Variants in B4GALT3 observed in about 807,000 individuals in gnomAD.
B4GALT3 encodes beta-1,4-galactosyltransferase 3.
A neutral mutation model predicts 40.7 loss-of-function variants in B4GALT3; 29 were observed. The ratio of observed to expected loss-of-function variants is 0.71; its 90% CI spans 0.53 to 0.97. The LOEUF is 0.97. Ranked by LOEUF, B4GALT3 falls within the 50% of genes least tolerant of loss-of-function variation. The probability of loss-of-function intolerance (pLI) is 0.00; values close to 1 mark genes in which losing one functional copy is unlikely to be tolerated. For synonymous variants in B4GALT3, 182 were observed against 203.9 expected (o/e 0.89, Z 0.92); for missense variants, 390 against 522.3 (o/e 0.75, Z 2.47).
In B4GALT3 at chr1:161,171,370, A is replaced by G. The variant is rs1211653915; in HGVS notation, c.*446T>C. 4 of 966,806 alleles carry G rather than the reference A, an allele frequency of 4.1e-6. No individual in the cohort carries two copies. Among genetic ancestry groups the G allele is most frequent in the African/African-American group, 1.6e-5 (1 of 61,192 alleles). The allele number at this position is 966,806 out of a possible 1,614,324, so 59.9% of individuals were successfully genotyped here. A position where few individuals can be genotyped will look rare whatever the true frequency, so the allele number is the denominator to read the frequency against. ...AATCCCAGCCCCCTGAGCCAGGACCAGAAGAGGGAGCTATTCCAGCATAGG... is the reference window on the plus strand; with the variant it reads ...AATCCCAGCCCCCTGAGCCAGGACCGGAAGAGGGAGCTATTCCAGCATAGG... On this transcript the variant is annotated 3_prime_UTR_variant, in exon 8 of 8. Coordinates refer to ENST00000319769, the MANE Select transcript of B4GALT3 (RefSeq NM_003779.4).
intron 1 of B4GALT3, 141 bp downstream of exon 1, chr1:161,177,282 C>A: frequency 3.4e-6 from 2 of 580,714 alleles, no homozygotes; most frequent in Middle Eastern, 4.6e-4. Flanking sequence ...CGTGAGCCCG[C>A]CCGGCCCCCG....
Position 161,176,048 on chromosome 1 carries a change from G to C in B4GALT3, c.13C>G (p.Leu5Val). The change falls in exon 3 of 8, where the codon CTG becomes GTG. Residue 5 changes from leucine to valine, a missense_variant. This residue lies in a region of B4GALT3 where 183 missense variants were observed against 223.2 expected (regional missense o/e 0.82). Coordinates refer to ENST00000319769, the MANE Select transcript of B4GALT3 (RefSeq NM_003779.4). Reference protein sequence around the residue: MLRRLLERPCTLALL... With the variant: MLRRVLERPCTLALL... ...GCCAGCGTGCAAGGCCGCTCCAGCA[G>C]CCTCCGCAACATCCTGGGGGTGAGA... 5.0e-6 allele frequency: 8 copies of C among 1,614,116 alleles called. No homozygotes were observed. Among genetic ancestry groups the C allele is most frequent in the Non-Finnish European group, 5.9e-6 (7 of 1,180,010 alleles).
chr1:161,173,579 A>C (rs1662294911), intron 6 of B4GALT3, 26 bp downstream of exon 6: 1 of 1,612,954 alleles, frequency 6.2e-7, no homozygotes. Flanking sequence ...TGGGGTCAGG[A>C]GGGAGGAAGT....
chr1:161,174,138 T>A, intron 4 of B4GALT3, 89 bp from the exon 5 acceptor site: 1 of 1,412,456 alleles, frequency 7.1e-7, no homozygotes, highest in East Asian at 2.3e-5. Context: ...CCGGGCGCGG[T>A]GGCTTACGCC....
At chr1:161,173,037 C>T (rs1368332813) in intron 6 of B4GALT3, among the ~76,000 whole-genome samples, 1 of 152,154 alleles carries the variant, frequency 6.6e-6, no homozygotes, top group African/African-American at 2.4e-5. Context: ...GGGTATTTCA[C>T]ACACATACAG....
chr1:161,173,726 G>T lies in B4GALT3; in HGVS notation c.682C>A (p.Leu228Ile), dbSNP rs1198344561. 2 of 1,614,134 alleles carry T rather than the reference G, an allele frequency of 1.2e-6. No individual in the cohort carries two copies. Among genetic ancestry groups the T allele is most frequent in the Non-Finnish European group, 1.7e-6 (2 of 1,180,012 alleles). Residue 228 changes from leucine to isoleucine, a missense_variant and splice_region_variant, in exon 6 of 8, where the codon CTC becomes ATC. Around this residue, in one of 3 missense-constraint regions of B4GALT3, gnomAD observed 135 missense variants for 227.8 expected, o/e 0.59. Coordinates refer to ENST00000319769, the MANE Select transcript of B4GALT3 (RefSeq NM_003779.4). ...AVAMNKFGYS[L>I]PYPQYFGGVS... is the part of the protein sequence containing the mutation. ...CCTCCGAAGTACTGGGGGTACGGGA[G>T]GCTAGGGAGAGAAAGATCCTTGCAT...
At chr1:161,172,135 G>C (rs1207176081) in intron 7 of B4GALT3, 46 bp from the exon 8 acceptor site, 1 of 1,612,512 alleles carries the variant, frequency 6.2e-7, no homozygotes, top group Non-Finnish European at 8.5e-7. Context: ...GGAACAGCCA[G>C]AAATCTAGGG....
At chr1:161,175,343 G>T in intron 3 of B4GALT3, 115 bp from the exon 4 acceptor site, 3 of 904,094 alleles carry the variant, frequency 3.3e-6, no homozygotes, top group Non-Finnish European at 3.4e-6. Flanking sequence ...TAGTTCTCAG[G>T]GCTCACTCAG....
chr1:161,174,132 G>A, intron 4 of B4GALT3, 83 bp from the exon 5 acceptor site: 3 of 1,459,292 alleles, frequency 2.1e-6, no homozygotes, highest in Non-Finnish European at 1.9e-6. Flanking sequence ...TGAAGGCCGG[G>A]CGCGGTGGCT....
Position 161,171,969 on chromosome 1 carries a change from C to T in B4GALT3, c.1029G>A (p.Gly343=), listed in dbSNP as rs1661612353. The stretch of plus-strand genomic sequence containing the variant: ...GAGCCCGAGGACCCCGAGGGTCAGT[C>T]CCAATGTCTGCTGTGATGTTGGTAT... ...PLYTNITADI[G]TDPRGPRAPS... is the part of the protein sequence containing the mutation. The change falls in exon 8 of 8, where the codon GGG becomes GGA. Residue 343 remains glycine (G), a synonymous_variant. Coordinates refer to ENST00000319769, the MANE Select transcript of B4GALT3 (RefSeq NM_003779.4). The T allele has an allele frequency of 1.9e-6, 3 of 1,614,010 alleles. No homozygotes were observed. Among genetic ancestry groups the T allele is most frequent in the East Asian group, 2.2e-5 (1 of 44,888 alleles).
rs561295570 is a variant in B4GALT3 at position 161,173,508 on chromosome 1, G to A, written c.803+97C>T. On this transcript the variant is annotated intron_variant, in intron 6 of 7. Coordinates refer to ENST00000319769, the MANE Select transcript of B4GALT3 (RefSeq NM_003779.4). ...AATGGGCTCAGTGCAGGACCAGGGA[G>A]CTAAAGGTTAGTGTTGAAGGGCTAT... 2.0e-4 allele frequency: 310 copies of A among 1,555,680 alleles called. 1 individual carries two copies. In the African/African-American group the frequency reaches 3.6e-3, roughly 18 times the overall value.
Position 161,176,523 on chromosome 1 carries a change from G to A in B4GALT3, c.-104C>T. On this transcript the variant is annotated 5_prime_UTR_variant, in exon 2 of 8. Coordinates refer to ENST00000319769, the MANE Select transcript of B4GALT3 (RefSeq NM_003779.4). ...TGAGGCATTATCTAAAATTGGAAAT[G>A]TCACAGAGGGCAGAGAAAGGCTCCA... 2.4e-6 allele frequency: 1 copy of A among 411,202 alleles called. No homozygotes were observed. The highest frequency in any genetic ancestry group is 4.4e-6 in the Non-Finnish European group (1 of 225,612). 25.5% of individuals were successfully genotyped at this position (411,202 alleles called of 1,614,324 possible).
chr1:161,176,302 C>T (rs377658260), intron 2 of B4GALT3, 132 bp downstream of exon 2: 4 of 582,840 alleles, frequency 6.9e-6, no homozygotes, highest in South Asian at 6.3e-5. Flanking sequence ...CTACCTCCCC[C>T]CAAACCACTC....
chr1:161,175,926 TGTC>T lies in B4GALT3; in HGVS notation c.132_134del (p.Thr45del), dbSNP rs767643607. The T allele has an allele frequency of 6.2e-7, 1 of 1,614,062 alleles. No homozygotes were observed. Among genetic ancestry groups the T allele is most frequent in the Non-Finnish European group, 8.5e-7 (1 of 1,180,006 alleles). On this transcript the variant is annotated inframe_deletion, in exon 3 of 8. Transcript: ENST00000319769. ...CATCACGAGGGTGAGAATAGTCAAA[TGTC>T]GGTCCCTGATCTCGGCCAAATAGGG...
chr1:161,172,260 C>T lies in B4GALT3; in HGVS notation c.875G>A (p.Arg292Gln), dbSNP rs530341614. The T allele has an allele frequency of 8.1e-6, 13 of 1,614,112 alleles. No homozygotes were observed. The East Asian group carries it at 1.3e-4, about 17-fold the overall frequency. ...SVGHYKMVKH[R>Q]GDKGNEENPH... is the part of the protein sequence containing the mutation. ...ATTTTCCTCATTGCCCTTATCTCCT[C>T]GGTGCTTCACCATCTTATAGTGTCC... Residue 292 changes from arginine to glutamine, a missense_variant, in exon 7 of 8, where the codon CGA becomes CAA. By Grantham distance (43) the Arg-to-Gln change is conservative. Coordinates refer to ENST00000319769, the MANE Select transcript of B4GALT3 (RefSeq NM_003779.4).
intron 4 of B4GALT3, among the ~76,000 whole-genome samples, chr1:161,174,460 G>A (rs868661137): frequency 1.9e-4 from 29 of 152,126 alleles, no homozygotes; most frequent in South Asian, 4.2e-4. Flanking sequence ...TCAAAGTGGG[G>A]TGGAGGGCAA....
chr1:161,173,785 CA>C, intron 5 of B4GALT3, 58 bp from the exon 6 acceptor site: 1 of 1,611,552 alleles, frequency 6.2e-7, no homozygotes, highest in Non-Finnish European at 8.5e-7. Flanking sequence ...TCCCCAACCA[CA>C]ATCCGCTTGG....
At chr1:161,175,285 A>T (rs551942302) in intron 3 of B4GALT3, 57 bp from the exon 4 acceptor site, 2 of 1,503,926 alleles carry the variant, frequency 1.3e-6, no homozygotes, top group South Asian at 2.3e-5. Context: ...AAAGAATCAA[A>T]CTAGGGTTTG....
chr1:161,173,435 G>A (rs1215704140), intron 6 of B4GALT3, among the ~76,000 whole-genome samples, 170 bp downstream of exon 6: 1 of 152,216 alleles, frequency 6.6e-6, no homozygotes, highest in Non-Finnish European at 1.5e-5. Flanking sequence ...ACAATGGGCA[G>A]TAGCATGCAA....
Sources: gnomAD v4.1 joint callset for allele counts (sites outside exome capture counted in the v4.1 genomes callset) on GRCh38, gnomAD v4.1.1 for gene constraint, gnomAD v4.1.1 regional missense constraint, MANE v1.5 for transcripts, NCBI Gene and HGNC (gene_info 2026-07-23, HGNC 2026-07-21) for gene names.